Variants in MYH3 observed in about 807,000 individuals in gnomAD.
The protein encoded by MYH3 is myosin heavy chain 3, also known as myosin-3.
In MYH3, 130 loss-of-function variants were observed where a neutral mutation model predicts 238.0. The ratio of observed to expected loss-of-function variants is 0.55; its 90% CI spans 0.47 to 0.63. The LOEUF (loss-of-function observed/expected upper bound fraction) is 0.63, where lower values mean the gene tolerates loss of function less well. MYH3 is among the 30% of genes least tolerant of loss of function. The pLI is 0.00. For synonymous variants in MYH3, 880 were observed against 924.1 expected (o/e 0.95, Z 0.86); for missense variants, 1,853 against 2,374.9 (o/e 0.78, Z 4.57).
At chr17:10,639,245 G>C in intron 24 of MYH3, 53 bp downstream of exon 24, 1 of 1,613,982 alleles carries the variant, frequency 6.2e-7, no homozygotes, top group Non-Finnish European at 8.5e-7. Context: ...GGACCCTTGA[G>C]GGCTCTTCCA....
At chr17:10,633,882 T>C in intron 32 of MYH3, 135 bp downstream of exon 32, 2 of 1,460,782 alleles carry the variant, frequency 1.4e-6, no homozygotes, top group Non-Finnish European at 9.5e-7. Flanking sequence ...ACCCGTCAGA[T>C]GGTGAACACT....
At chr17:10,668,113 G>A in the MYH3 span, among the ~76,000 whole-genome samples, 1 of 152,242 alleles carries the variant, frequency 6.6e-6, no homozygotes, top group Non-Finnish European at 1.5e-5. Flanking sequence ...GAACTGCAGT[G>A]GCTGGGTGCG....
Position 10,644,595 on chromosome 17 carries a change from T to A in MYH3, c.1249A>T (p.Thr417Ser), listed in dbSNP as rs759276020. ...VGNEYVTKGQ[T>S]VDQVHHAVNA... ...CTTGAAGCTGTTACCTGATCCACAG[T>A]TTGACCTTTGGTAACGTACTCATTC... The change falls in exon 13 of 41, where the codon ACT becomes TCT. Residue 417 changes from threonine (T) to serine (S), a missense_variant. This residue lies in a region of MYH3 where 678 missense variants were observed against 1,058.9 expected (regional missense o/e 0.64). Coordinates refer to ENST00000583535, the MANE Select transcript of MYH3 (RefSeq NM_002470.4). 14 of 1,614,072 alleles carry A rather than the reference T, an allele frequency of 8.7e-6. No homozygotes were observed. The South Asian group carries it at 1.5e-4, about 18-fold the overall frequency.
Position 10,632,610 on chromosome 17 carries a change from T to C in MYH3, c.4822A>G (p.Ser1608Gly). The stretch of plus-strand genomic sequence containing the variant: ...TTGAGCCGGATGGCTTCATTCCTGC[T>C]CCGCACCTCGGCGTCCAGGGCGCTC... ...MQSALDAEVRSRNEAIRLKKK... is the reference protein window; with the variant it reads ...MQSALDAEVRGRNEAIRLKKK... Residue 1608 changes from serine to glycine, a missense_variant, in exon 34 of 41, where the codon AGC (serine) becomes GGC (glycine). By Grantham distance (56) the Ser-to-Gly change is moderately conservative. Around this residue, in one of 3 missense-constraint regions of MYH3, gnomAD observed 1,044 missense variants for 1,192.6 expected, o/e 0.88. Coordinates refer to ENST00000583535, the MANE Select transcript of MYH3 (RefSeq NM_002470.4). The C allele has an allele frequency of 6.2e-7, 1 of 1,614,154 alleles. No homozygotes were observed. Among genetic ancestry groups the C allele is most frequent in the East Asian group, 2.2e-5 (1 of 44,864 alleles).
Position 10,632,762 on chromosome 17 carries a change from G to A in MYH3, c.4670C>T (p.Ala1557Val). The change falls in exon 34 of 41, where the codon GCC becomes GTC. Residue 1557 changes from alanine (A) to valine (V), a missense_variant. By Grantham distance (64) the Ala-to-Val change is moderately conservative. Around this residue, in one of 3 missense-constraint regions of MYH3, gnomAD observed 1,044 missense variants for 1,192.6 expected, o/e 0.88. Coordinates refer to ENST00000583535, the MANE Select transcript of MYH3 (RefSeq NM_002470.4). ...TTCAAGCTGGATTCGGAGGATCTTG[G>A]CTTCTTCATGCTCAAGAGCAGCCTT... ...EAEAALEHEE[A>V]KILRIQLELT... 1 of 1,614,180 alleles carries A rather than the reference G, an allele frequency of 6.2e-7. No homozygotes were observed.
chr17:10,639,963 T>G, intron 22 of MYH3, 33 bp downstream of exon 22: 1 of 1,546,226 alleles, frequency 6.5e-7, no homozygotes, highest in Non-Finnish European at 8.8e-7. Context: ...TCTAGAAGAG[T>G]TAAAAAAAAA....
the MYH3 span, among the ~76,000 whole-genome samples, chr17:10,667,041 T>C: frequency 2.3e-4 from 35 of 152,320 alleles, no homozygotes; most frequent in African/African-American, 7.7e-4. Flanking sequence ...CCAATCACAT[T>C]GGAGAAAATC....
chr17:10,657,598 G>A (rs981927120), upstream of MYH3, among the ~76,000 whole-genome samples: 6 of 152,294 alleles, frequency 3.9e-5, no homozygotes, highest in Middle Eastern at 3.4e-3. Flanking sequence ...GGAGTTGCGG[G>A]GGCAGCCACC....
chr17:10,660,907 C>G (rs2074476043), upstream of MYH3, among the ~76,000 whole-genome samples: 1 of 151,642 alleles, frequency 6.6e-6, no homozygotes, highest in South Asian at 2.1e-4. Context: ...ATTGCTTGAA[C>G]CCAGGAGGCA....
Position 10,654,896 on chromosome 17 carries a change from C to A in MYH3, c.169G>T (p.Asp57Tyr). The A allele has an allele frequency of 6.2e-7, 1 of 1,614,166 alleles. No homozygotes were observed. The highest frequency in any genetic ancestry group is 8.5e-7 in the Non-Finnish European group (1 of 1,180,028). ...YAKGKIKSSQ[D>Y]GKVTVETEDN... ...TCAGTTTCCACAGTGACCTTCCCAT[C>A]CTGAGAACTCTTGATTTTCCCCTTG... Residue 57 changes from aspartate to tyrosine, a missense_variant, in exon 3 of 41, where the codon GAT (aspartate) becomes TAT (tyrosine). Physicochemically the swap from Asp to Tyr is radical, Grantham distance 160 (BLOSUM62 -3). Transcript: ENST00000583535. The surrounding 1 kb of genome is among the most constrained non-coding windows in gnomAD (Gnocchi z 4.5).
the MYH3 span, among the ~76,000 whole-genome samples, chr17:10,670,712 A>G: frequency 9.1e-6 from 1 of 109,680 alleles, no homozygotes; most frequent in Non-Finnish European, 2.2e-5. This position sits in a 1 kb window ranked among gnomAD's most constrained non-coding sequence, Gnocchi z 7.0. Flanking sequence ...ATGCCTGTTA[A>G]GGTTTGGGTA....
At chr17:10,631,504 A>G in intron 36 of MYH3, 107 bp downstream of exon 36, 1 of 1,544,132 alleles carries the variant, frequency 6.5e-7, no homozygotes, top group Non-Finnish European at 8.9e-7. Flanking sequence ...GGGGAGCAGA[A>G]TGTGCACCAG....
rs1458824400 is a variant in MYH3, at chr17:10,632,016, C to A, written c.4957G>T (p.Asp1653Tyr). 10 of 1,613,304 alleles carry A rather than the reference C, an allele frequency of 6.2e-6. No homozygotes were observed. Among genetic ancestry groups the A allele is most frequent in the Non-Finnish European group, 8.5e-6 (10 of 1,180,032 alleles). The change falls in exon 35 of 41, where the codon GAT becomes TAT. Residue 1653 changes from aspartate (D) to tyrosine (Y), a missense_variant and splice_region_variant. Asp to Tyr is a radical substitution (Grantham distance 160). Transcript: ENST00000583535. ...HLRSVQGQLKDTQLHLDDALR... is the reference protein window; with the variant it reads ...HLRSVQGQLKYTQLHLDDALR... ...GCATCATCCAGGTGGAGCTGCGTAT[C>A]CTAGCCAGAGAAAAACGAACATTCT... is the stretch of plus-strand genomic sequence containing the variant.
the MYH3 span, chr17:10,674,510 G>A: frequency 2.0e-5 from 5 of 250,116 alleles, no homozygotes; most frequent in Non-Finnish European, 3.9e-5. Context: ...TTTCTGCTAA[G>A]TACCCCAGTG....
chr17:10,648,991 T>C (rs912087986), intron 7 of MYH3, among the ~76,000 whole-genome samples: 1 of 152,134 alleles, frequency 6.6e-6, no homozygotes, highest in African/African-American at 2.4e-5. Context: ...AACATGTTTT[T>C]AAGCCACAGA....
In MYH3 at chr17:10,656,418, T is replaced by G. The variant is rs546867742; in HGVS notation, c.-67-270A>C. ...TGGGCGTGGCGGCAGATGCCTGTGA[T>G]CCCAGCTACTCTGGAGGCTTAGGCA... On this transcript the variant is annotated intron_variant, in intron 1 of 40. Transcript: ENST00000583535. Among the ~76,000 whole-genome samples the G allele has an allele frequency of 1.8e-3, 272 of 152,102 alleles. 2 individuals are homozygous for G. Among genetic ancestry groups the G allele is most frequent in the African/African-American group, 6.3e-3 (263 of 41,458 alleles).
chr17:10,658,501 TC>T (rs1429577650), upstream of MYH3: 1 of 152,184 alleles, frequency 6.6e-6, no homozygotes, highest in African/African-American at 2.4e-5. Flanking sequence ...ACACAGTGCT[TC>T]GAGAAGACGC....
At chr17:10,630,822 G>A (rs914862276) in intron 36 of MYH3, among the ~76,000 whole-genome samples, 7 of 152,000 alleles carry the variant, frequency 4.6e-5, no homozygotes, top group African/African-American at 1.7e-4. Context: ...TTGCACTCCA[G>A]CCTGGTCAAT....
At chr17:10,652,910 C>T (rs368712810) in intron 3 of MYH3, among the ~76,000 whole-genome samples, 3 of 151,824 alleles carry the variant, frequency 2.0e-5, no homozygotes, top group Admixed American at 6.6e-5. Context: ...TGTGAGGCAC[C>T]GTGCCTGGCC....
Sources: gnomAD v4.1 joint callset for allele counts (sites outside exome capture counted in the v4.1 genomes callset) on GRCh38, gnomAD v4.1.1 for gene constraint, gnomAD v4.1.1 regional missense constraint, Gnocchi (gnomAD v3.1) non-coding constraint, MANE v1.5 for transcripts, NCBI Gene and HGNC (gene_info 2026-07-23, HGNC 2026-07-21) for gene names.